Variants in RNF180 observed in about 807,000 individuals in gnomAD.
RNF180 encodes the protein E3 ubiquitin-protein ligase RNF180.
A neutral mutation model predicts 59.2 loss-of-function variants in RNF180; 38 were observed. That is an observed-to-expected ratio of 0.64 (90% CI 0.50 to 0.84). The LOEUF (loss-of-function observed/expected upper bound fraction) is 0.84. Among genes scored for constraint, RNF180 ranks in the 40% least tolerant of loss-of-function variants. The pLI is 0.00. For missense variants in RNF180, 705 were observed against 700.9 expected (o/e 1.01, Z -0.07); for synonymous variants, 262 against 240.3 (o/e 1.09, Z -0.84).
At chr5:64,327,588 A>T (rs938792896) in intron 6 of RNF180, among the ~76,000 whole-genome samples, 1 of 152,144 alleles carries the variant, frequency 6.6e-6, no homozygotes, top group Non-Finnish European at 1.5e-5. Context: ...ATAGTTTCTA[A>T]TGTTCCTCTT....
intron 2 of RNF180, among the ~76,000 whole-genome samples, chr5:64,206,158 G>A (rs1292036424): frequency 6.6e-6 from 1 of 152,182 alleles, no homozygotes; most frequent in Non-Finnish European, 1.5e-5. Flanking sequence ...CCCTAAATGA[G>A]AGTTAAAAGT....
intron 7 of RNF180, among the ~76,000 whole-genome samples, chr5:64,342,136 G>T (rs1014223909): frequency 1.3e-5 from 2 of 152,114 alleles, no homozygotes; most frequent in Non-Finnish European, 1.5e-5. Context: ...TTCTGCTTCT[G>T]AGTAGGATAT....
intron 5 of RNF180, among the ~76,000 whole-genome samples, chr5:64,306,601 T>C (rs539124965): frequency 6.6e-6 from 1 of 150,656 alleles, no homozygotes; most frequent in Admixed American, 6.6e-5. Flanking sequence ...TAGACTGGAG[T>C]AAGAAAACAT....
At chr5:64,343,880 G>A (rs921312768) in intron 7 of RNF180, among the ~76,000 whole-genome samples, 1 of 151,350 alleles carries the variant, frequency 6.6e-6, no homozygotes, top group African/African-American at 2.4e-5. Context: ...ATCCTAGCTG[G>A]AAGCACAGAA....
intron 5 of RNF180, among the ~76,000 whole-genome samples, chr5:64,234,859 G>A (rs9763990): frequency 0.35 from 52,735 of 151,720 alleles, 10,489 homozygotes; most frequent in African/African-American, 0.55. Flanking sequence ...TTGGCCTCCC[G>A]AGGCGCTGGG....
chr5:64,254,550 A>G (rs185549528), intron 5 of RNF180, among the ~76,000 whole-genome samples: 43 of 152,302 alleles, frequency 2.8e-4, no homozygotes, highest in Non-Finnish European at 5.7e-4. Context: ...AAATGAATTT[A>G]TAAATGGACA....
At chr5:64,248,007 G>A (rs1302567223) in intron 5 of RNF180, among the ~76,000 whole-genome samples, 1 of 152,176 alleles carries the variant, frequency 6.6e-6, no homozygotes, top group African/African-American at 2.4e-5. Context: ...AAGGAATGGG[G>A]AAAGAATTCC....
At chr5:64,347,300 A>ATG (rs1235350765) in intron 7 of RNF180, among the ~76,000 whole-genome samples, 2 of 152,188 alleles carry the variant, frequency 1.3e-5, no homozygotes, top group Non-Finnish European at 2.9e-5. Context: ...TTTCCAGTCT[A>ATG]TAAAAAATTA....
intron 7 of RNF180, among the ~76,000 whole-genome samples, chr5:64,362,510 C>G (rs542334500): frequency 2.0e-4 from 30 of 151,952 alleles, no homozygotes; most frequent in African/African-American, 6.0e-4. Flanking sequence ...TAGGTTTATT[C>G]CACGTCTTTG....
chr5:64,252,435 G>A (rs1342454872), intron 5 of RNF180, among the ~76,000 whole-genome samples: 1 of 152,076 alleles, frequency 6.6e-6, no homozygotes, highest in African/African-American at 2.4e-5. Flanking sequence ...GACGTAAAGT[G>A]TTCTCACCAC....
intron 2 of RNF180, among the ~76,000 whole-genome samples, chr5:64,207,040 A>T (rs1026057942): frequency 6.6e-6 from 1 of 152,122 alleles, no homozygotes; most frequent in African/African-American, 2.4e-5. Flanking sequence ...GTATGTCCTT[A>T]TGAAGTTTTC....
intron 5 of RNF180, among the ~76,000 whole-genome samples, chr5:64,240,204 A>G (rs578162679): frequency 6.6e-6 from 1 of 152,308 alleles, no homozygotes; most frequent in South Asian, 2.1e-4. Flanking sequence ...TCTTAACAAA[A>G]TGTTCTCATA....
intron 5 of RNF180, among the ~76,000 whole-genome samples, chr5:64,222,434 A>AGGGG (rs1741401297): frequency 6.6e-6 from 1 of 152,142 alleles, no homozygotes; most frequent in Non-Finnish European, 1.5e-5. Flanking sequence ...CAGCAAAGGG[A>AGGGG]GGGGGTACAT....
intron 5 of RNF180, among the ~76,000 whole-genome samples, chr5:64,305,550 G>A (rs139651475): frequency 3.3e-5 from 5 of 151,266 alleles, no homozygotes; most frequent in South Asian, 2.1e-4. Context: ...TACCATATGC[G>A]TCACCAGTGT....
intron 5 of RNF180, among the ~76,000 whole-genome samples, chr5:64,231,047 A>C (rs1286277879): frequency 1.3e-5 from 2 of 152,214 alleles, no homozygotes; most frequent in Non-Finnish European, 2.9e-5. Flanking sequence ...AAAAGGCACA[A>C]GGCATTGTTT....
chr5:64,221,467 A>G (rs918958595), intron 5 of RNF180, among the ~76,000 whole-genome samples: 17 of 152,116 alleles, frequency 1.1e-4, no homozygotes, highest in Non-Finnish European at 7.4e-5. Flanking sequence ...TTATTTCAGT[A>G]TAAGTTTGTT....
chr5:64,244,449 G>A (rs1017376385), intron 5 of RNF180, among the ~76,000 whole-genome samples: 1 of 152,026 alleles, frequency 6.6e-6, no homozygotes, highest in Non-Finnish European at 1.5e-5. Context: ...GCATACACAA[G>A]TATCAATAGC....
chr5:64,335,438 G>A (rs1170033283), intron 7 of RNF180, among the ~76,000 whole-genome samples: 1 of 151,780 alleles, frequency 6.6e-6, no homozygotes, highest in Non-Finnish European at 1.5e-5. Context: ...AAAGATCTTT[G>A]AAACTGATTT....
chr5:64,221,662 G>A (rs1187805741), intron 5 of RNF180, among the ~76,000 whole-genome samples: 2 of 152,320 alleles, frequency 1.3e-5, no homozygotes, highest in East Asian at 1.9e-4. Flanking sequence ...ATGAGCAGGT[G>A]TGGAACAAAA....
Sources: gnomAD v4.1 joint callset for allele counts (sites outside exome capture counted in the v4.1 genomes callset) on GRCh38, gnomAD v4.1.1 for gene constraint, MANE v1.5 for transcripts, NCBI Gene and HGNC (gene_info 2026-07-23, HGNC 2026-07-21) for gene names.